The following GRID2 variants were observed in gnomAD, a reference collection of about 807,000 sequenced individuals.
GRID2 encodes the protein glutamate ionotropic receptor delta type subunit 2.
A neutral mutation model predicts 114.8 loss-of-function variants in GRID2; 33 were observed. That is an observed-to-expected ratio of 0.29 (90% CI 0.22 to 0.38). The LOEUF (loss-of-function observed/expected upper bound fraction) is 0.38. Ranked by LOEUF, GRID2 falls within the 10% of genes least tolerant of loss-of-function variation. The pLI is 1.00. For missense variants in GRID2, 1,184 were observed against 1,257.7 expected (o/e 0.94, Z 0.89); for synonymous variants, 505 against 449.9 (o/e 1.12, Z -1.55).
At chr4:92,896,556 TTA>T (rs201766302) in intron 2 of GRID2, among the ~76,000 whole-genome samples, 2,218 of 147,608 alleles carry the variant, frequency 0.015, 23 homozygotes, top group African/African-American at 0.028. Flanking sequence ...TTTTATAATA[TTA>T]TATATATATA....
chr4:92,945,836 C>T (rs1341723601), intron 2 of GRID2, among the ~76,000 whole-genome samples: 1 of 151,802 alleles, frequency 6.6e-6, no homozygotes, highest in Non-Finnish European at 1.5e-5. Context: ...TTTGATTTTT[C>T]AGGTCTGCCT....
chr4:92,436,919 A>C (rs2110350712), intron 1 of GRID2, among the ~76,000 whole-genome samples: 1 of 152,278 alleles, frequency 6.6e-6, no homozygotes, highest in South Asian at 2.1e-4. Context: ...AATAATAGGT[A>C]ATGAATGCTT....
At chr4:93,677,470 T>G (rs1214377549) in intron 14 of GRID2, among the ~76,000 whole-genome samples, 7 of 152,184 alleles carry the variant, frequency 4.6e-5, no homozygotes, top group Non-Finnish European at 1.0e-4. Context: ...ACGGGCAGAC[T>G]GCCTCCTCAA....
intron 13 of GRID2, among the ~76,000 whole-genome samples, chr4:93,560,732 G>C (rs772388751): frequency 1.6e-4 from 24 of 152,074 alleles, no homozygotes; most frequent in Admixed American, 6.6e-4. Flanking sequence ...CTCCCAACTT[G>C]GCCTCCCAAA....
At chr4:93,206,044 C>T (rs1216843740) in intron 4 of GRID2, among the ~76,000 whole-genome samples, 1 of 151,680 alleles carries the variant, frequency 6.6e-6, no homozygotes, top group African/African-American at 2.4e-5. Context: ...ACATTGTGCA[C>T]ATGTAACCTA....
intron 1 of GRID2, among the ~76,000 whole-genome samples, chr4:92,429,717 C>A (rs1393620422): frequency 6.6e-6 from 1 of 152,098 alleles, no homozygotes; most frequent in Non-Finnish European, 1.5e-5. Context: ...TAGTCCCCAG[C>A]AGAAGTGTAC....
intron 13 of GRID2, among the ~76,000 whole-genome samples, chr4:93,569,346 TA>T (rs914078083): frequency 6.6e-6 from 1 of 152,170 alleles, no homozygotes; most frequent in African/African-American, 2.4e-5. Context: ...AAGCCTACTC[TA>T]ATACATCCTC....
At chr4:92,516,771 A>G (rs181263103) in intron 1 of GRID2, among the ~76,000 whole-genome samples, 3 of 151,820 alleles carry the variant, frequency 2.0e-5, no homozygotes, top group Non-Finnish European at 2.9e-5. Flanking sequence ...TAAATTCCCA[A>G]TGTCCCTTCT....
At chr4:93,421,861 A>G (rs1768322706) in intron 9 of GRID2, among the ~76,000 whole-genome samples, 1 of 150,266 alleles carries the variant, frequency 6.7e-6, no homozygotes. Flanking sequence ...AAAAAAAAAA[A>G]CCTTTGGCTA....
intron 14 of GRID2, among the ~76,000 whole-genome samples, chr4:93,728,788 A>G (rs1342898503): frequency 6.6e-6 from 1 of 151,946 alleles, no homozygotes; most frequent in African/African-American, 2.4e-5. Flanking sequence ...AGTCTGTTTT[A>G]TCAGAGACTA....
intron 1 of GRID2, among the ~76,000 whole-genome samples, chr4:92,477,052 T>C (rs938286287): frequency 1.2e-4 from 8 of 66,332 alleles, no homozygotes; most frequent in African/African-American, 4.7e-4. Context: ...TGTGTGTGTG[T>C]GTGTGTGTGT....
At chr4:93,578,884 C>T (rs745902955) in intron 13 of GRID2, among the ~76,000 whole-genome samples, 3 of 152,120 alleles carry the variant, frequency 2.0e-5, no homozygotes, top group Non-Finnish European at 4.4e-5. Context: ...TGAGCCACCG[C>T]ACCCGGCTGC....
intron 2 of GRID2, among the ~76,000 whole-genome samples, chr4:92,962,267 A>G (rs1055915428): frequency 2.6e-5 from 4 of 151,722 alleles, no homozygotes; most frequent in African/African-American, 7.3e-5. Flanking sequence ...TGTAGTGGGT[A>G]AGTAGAACTG....
At chr4:92,947,089 G>A (rs1751694222) in intron 2 of GRID2, among the ~76,000 whole-genome samples, 1 of 152,064 alleles carries the variant, frequency 6.6e-6, no homozygotes, top group South Asian at 2.1e-4. Context: ...AAAGAAAGAT[G>A]TTTGAGGAGG....
At chr4:92,693,484 T>C (rs1371488971) in intron 2 of GRID2, among the ~76,000 whole-genome samples, 1 of 152,232 alleles carries the variant, frequency 6.6e-6, no homozygotes, top group Non-Finnish European at 1.5e-5. Context: ...TGAACAAAAA[T>C]ATTTTCTCAC....
chr4:92,837,798 A>G (rs2149405999), intron 2 of GRID2, among the ~76,000 whole-genome samples: 1 of 152,250 alleles, frequency 6.6e-6, no homozygotes, highest in African/African-American at 2.4e-5. Flanking sequence ...GCACGCAAAT[A>G]CATGCTCTAT....
chr4:93,306,304 A>C (rs17020367), intron 8 of GRID2: 1 of 152,180 alleles, frequency 6.6e-6, no homozygotes, highest in Admixed American at 6.5e-5. Flanking sequence ...TTCTTCATTC[A>C]TTAAACATTT....
chr4:92,604,825 T>C (rs1325106283), intron 2 of GRID2, among the ~76,000 whole-genome samples: 1 of 152,120 alleles, frequency 6.6e-6, no homozygotes, highest in Non-Finnish European at 1.5e-5. Flanking sequence ...CCAGTTGATA[T>C]AGTTAGGCTT....
rs569087534 is a variant in GRID2 at position 92,935,362 on chromosome 4, A to G, written c.245-149633A>G. Among the ~76,000 whole-genome samples, 133 of 146,906 alleles carry G rather than the reference A, an allele frequency of 9.1e-4. 21 individuals carry two copies. In the East Asian group the frequency reaches 0.025, roughly 28 times the overall value. ...ACCATCTCACACCAGTTAGAATGGCAATCATTAAAATGTCAGGAAACAACA... is the reference window on the plus strand; with the variant it reads ...ACCATCTCACACCAGTTAGAATGGCGATCATTAAAATGTCAGGAAACAACA... On this transcript the variant is annotated intron_variant, in intron 2 of 15. Coordinates refer to ENST00000282020, the MANE Select transcript of GRID2 (RefSeq NM_001510.4).
Sources: gnomAD v4.1 joint callset for allele counts (sites outside exome capture counted in the v4.1 genomes callset) on GRCh38, gnomAD v4.1.1 for gene constraint, MANE v1.5 for transcripts, NCBI Gene and HGNC (gene_info 2026-07-23, HGNC 2026-07-21) for gene names.